Variants in ANKRD36B observed in about 807,000 individuals in gnomAD.
ANKRD36B encodes ankyrin repeat domain-containing protein 36B.
A neutral mutation model predicts 135.7 loss-of-function variants in ANKRD36B; 37 were observed. That is an observed-to-expected ratio of 0.27 (90% CI 0.21 to 0.36). The LOEUF (loss-of-function observed/expected upper bound fraction) is 0.36, where lower values mean the gene tolerates loss of function less well. ANKRD36B is among the 10% of genes least tolerant of loss of function. The pLI, the probability that ANKRD36B is intolerant of heterozygous loss-of-function variation, is 1.00. For synonymous variants in ANKRD36B, 179 were observed against 348.1 expected (o/e 0.51, Z 5.41); for missense variants, 549 against 1,037.1 (o/e 0.53, Z 6.46).
intron 6 of ANKRD36B, among the ~76,000 whole-genome samples, chr2:97,569,247 A>T (rs2081654876): frequency 6.6e-6 from 1 of 152,182 alleles, no homozygotes; most frequent in African/African-American, 2.4e-5. Context: ...TAATAAACTA[A>T]AAGCAAAAAA....
chr2:97,563,543 T>C (rs1461644518), intron 6 of ANKRD36B, among the ~76,000 whole-genome samples: 2 of 151,944 alleles, frequency 1.3e-5, no homozygotes, highest in Admixed American at 6.6e-5. Flanking sequence ...GAACACTCTA[T>C]AGGGATCAAC....
intron 1 of ANKRD36B, among the ~76,000 whole-genome samples, chr2:97,587,006 T>C (rs1046108242): frequency 2.0e-5 from 3 of 152,152 alleles, no homozygotes; most frequent in Non-Finnish European, 4.4e-5. Flanking sequence ...AAACCCCGTC[T>C]TTACTAAAAT....
At chr2:97,556,839 A>G (rs2080571954) in intron 12 of ANKRD36B, 98 bp downstream of exon 12, 2 of 1,499,396 alleles carry the variant, frequency 1.3e-6, no homozygotes, top group African/African-American at 2.8e-5. Flanking sequence ...CTGAATCAGA[A>G]AGTGCATTTT....
chr2:97,577,221 A>C (rs1251194078), intron 5 of ANKRD36B, among the ~76,000 whole-genome samples: 1 of 142,312 alleles, frequency 7.0e-6, no homozygotes, highest in Non-Finnish European at 1.5e-5. Context: ...CTGAATGAGC[A>C]GATGTTTGCT....
chr2:97,547,943 A>G (rs777653132), intron 20 of ANKRD36B, among the ~76,000 whole-genome samples: 1 of 151,804 alleles, frequency 6.6e-6, no homozygotes, highest in African/African-American at 2.4e-5. Flanking sequence ...ATAATTTCAA[A>G]CAGGGTATGA....
At chr2:97,546,921 T>C (rs1459104530) in intron 22 of ANKRD36B, among the ~76,000 whole-genome samples, 2 of 151,726 alleles carry the variant, frequency 1.3e-5, no homozygotes, top group Non-Finnish European at 2.9e-5. Context: ...AATTACACCA[T>C]TGTTTCCTGC....
At chr2:97,581,418 G>A (rs1277578257) in intron 3 of ANKRD36B, among the ~76,000 whole-genome samples, 9 of 151,438 alleles carry the variant, frequency 5.9e-5, no homozygotes, top group South Asian at 4.2e-4. Flanking sequence ...TTTTTAATTC[G>A]GAGAGCCGGG....
intron 10 of ANKRD36B, among the ~76,000 whole-genome samples, chr2:97,557,560 G>A (rs1206946458): frequency 6.6e-6 from 1 of 151,844 alleles, no homozygotes; most frequent in Non-Finnish European, 1.5e-5. Flanking sequence ...TATTCATCAC[G>A]CTCTTTAACT....
At chr2:97,552,156 T>C (rs2080126632) in intron 16 of ANKRD36B, among the ~76,000 whole-genome samples, 2 of 151,968 alleles carry the variant, frequency 1.3e-5, no homozygotes, top group African/African-American at 4.8e-5. Context: ...AAGGATAATA[T>C]ACTAGCCTCA....
intron 16 of ANKRD36B, among the ~76,000 whole-genome samples, chr2:97,552,064 C>T (rs2080117630): frequency 6.6e-6 from 1 of 151,974 alleles, no homozygotes; most frequent in African/African-American, 2.4e-5. Flanking sequence ...CTCTCACACC[C>T]ATGTGGTGTA....
In ANKRD36B at chr2:97,527,369, C is replaced by T. The variant is rs1309566097; in HGVS notation, c.2266-3902G>A. Among the ~76,000 whole-genome samples, 16 of 93,654 alleles carry T rather than the reference C, an allele frequency of 1.7e-4. 4 individuals carry two copies. Among genetic ancestry groups the T allele is most frequent in the African/African-American group, 5.2e-4 (16 of 31,028 alleles). The allele number at this position is 93,654 out of a possible 152,430, so 61.4% of individuals were successfully genotyped here. On this transcript the variant is annotated intron_variant, in intron 35 of 43. Coordinates refer to ENST00000359901, the MANE Select transcript of ANKRD36B (RefSeq NM_001393939.1). ...AAGCAAATGATGAGAGATTTTGTCACCATGAGGCCTGCCCTAAAAGAGCTC... is the reference window on the plus strand; with the variant it reads ...AAGCAAATGATGAGAGATTTTGTCATCATGAGGCCTGCCCTAAAAGAGCTC...
rs370942169 is a variant in ANKRD36B at position 97,577,171 on chromosome 2, C to G, written c.696-725G>C. Reference sequence around the variant, plus strand: ...GCAGAAAACTAACAGATGTCAAGATCTGGCTTGGGCTACCACTATTACTTC... The same window carrying G: ...GCAGAAAACTAACAGATGTCAAGATGTGGCTTGGGCTACCACTATTACTTC... On this transcript the variant is annotated intron_variant, in intron 5 of 43. Transcript: ENST00000359901. Among the ~76,000 whole-genome samples, 150 of 148,660 alleles carry G rather than the reference C, an allele frequency of 1.0e-3. 3 individuals are homozygous for G. In the East Asian group the frequency reaches 0.012, roughly 12 times the overall value.
intron 19 of ANKRD36B, 31 bp downstream of exon 19, chr2:97,549,555 T>C (rs748914123): frequency 6.2e-7 from 1 of 1,609,050 alleles, no homozygotes; most frequent in East Asian, 2.2e-5. Context: ...ATACATTAAC[T>C]AGTTCACAAT....
At position 97,531,906 on chromosome 2, in the gene ANKRD36B, T is replaced by C. The variant is rs2104459679; in HGVS notation, c.2265+405A>G. On this transcript the variant is annotated intron_variant, in intron 35 of 43. Transcript: ENST00000359901. ...TAACCTTGGTATTAGTGACTGGCAA[T>C]AAAAAAACTGCAAAGTTTGAACCAC... is the stretch of plus-strand genomic sequence containing the variant. 2.1e-5 allele frequency among the ~76,000 whole-genome samples: 2 copies of C among 96,442 alleles called. 1 individual carries two copies. Among genetic ancestry groups the C allele is most frequent in the South Asian group, 4.7e-4 (2 of 4,282 alleles). The allele number at this position is 96,442 out of a possible 152,430, so 63.3% of individuals were successfully genotyped here.
At chr2:97,585,438 A>C (rs2082912378) in intron 1 of ANKRD36B, 40 bp from the exon 2 acceptor site, 10 of 1,531,276 alleles carry the variant, frequency 6.5e-6, no homozygotes, top group Non-Finnish European at 8.8e-6. Context: ...TGTAACTGTA[A>C]GCATTAATTA....
At chr2:97,496,352 G>A (rs1208223610) in intron 43 of ANKRD36B, among the ~76,000 whole-genome samples, 1 of 87,608 alleles carries the variant, frequency 1.1e-5, no homozygotes, top group African/African-American at 3.0e-5. Flanking sequence ...TAACATAAAA[G>A]TGCAAGGTAA....
rs567437340 is a variant in ANKRD36B, at chr2:97,539,601, A to C, written c.1987+433T>G. The C allele has an allele frequency of 8.4e-4, 83 of 98,760 alleles. 21 individuals are homozygous for C. The highest frequency in any genetic ancestry group is 2.3e-3 in the African/African-American group (75 of 32,582). The allele number at this position is 98,760 out of a possible 1,614,324, so 6.1% of individuals were successfully genotyped here. A position where few individuals can be genotyped will look rare whatever the true frequency, so the allele number is the denominator to read the frequency against. ...CTTCCTTGAGGAAAGTAATTGCTAC[A>C]TCAGCGGTCTCGTTAGTTCTCATTC... On this transcript the variant is annotated intron_variant, in intron 30 of 43. Coordinates refer to ENST00000359901, the MANE Select transcript of ANKRD36B (RefSeq NM_001393939.1).
At chr2:97,572,852 A>G (rs2081970199) in intron 6 of ANKRD36B, among the ~76,000 whole-genome samples, 1 of 151,874 alleles carries the variant, frequency 6.6e-6, no homozygotes, top group African/African-American at 2.4e-5. Context: ...ATGTCACCTT[A>G]TATTTTTCTC....
At chr2:97,547,468 T>C in intron 22 of ANKRD36B, 68 bp downstream of exon 22, 1 of 1,448,050 alleles carries the variant, frequency 6.9e-7, no homozygotes, top group Non-Finnish European at 9.3e-7. Flanking sequence ...CCCCGCAGAT[T>C]TATTCAGGGA....
Sources: gnomAD v4.1 joint callset for allele counts (sites outside exome capture counted in the v4.1 genomes callset) on GRCh38, gnomAD v4.1.1 for gene constraint, MANE v1.5 for transcripts, NCBI Gene and HGNC (gene_info 2026-07-23, HGNC 2026-07-21) for gene names.